The following STARD8 variants were observed in gnomAD, a reference collection of about 807,000 sequenced individuals.
The protein encoded by STARD8 is stAR-related lipid transfer protein 8.
In STARD8, 25 loss-of-function variants were observed where a neutral mutation model predicts 69.4. The ratio of observed to expected loss-of-function variants is 0.36; its 90% CI spans 0.26 to 0.50. The LOEUF is 0.50. STARD8 is among the 20% of genes least tolerant of loss of function. The pLI, the probability that STARD8 is intolerant of heterozygous loss-of-function variation, is 0.96. For missense variants in STARD8, 921 were observed against 932.5 expected, an observed-to-expected ratio of 0.99 and a Z score of 0.16; for synonymous variants, 389 against 374.6, an observed-to-expected ratio of 1.04 and a Z score of -0.45.
Position 68,721,139 on chromosome X carries a change from T to C in STARD8, c.2248+17T>C, listed in dbSNP as rs1284871619. ...TCTACCAGCGTGAGTCGCCCACTCC[T>C]ATCCCCAACAACCTGTCCCATTCTC... On this transcript the variant is annotated intron_variant, in intron 9 of 14. Transcript: ENST00000374599. 2.5e-6 allele frequency: 3 copies of C among 1,206,462 alleles called. No homozygotes were observed. Among genetic ancestry groups the C allele is most frequent in the Non-Finnish European group, 3.4e-6 (3 of 891,060 alleles).
chrX:68,691,177 C>T lies in STARD8; in HGVS notation c.80-21737C>T, dbSNP rs777436086. 9.8e-5 allele frequency among the ~76,000 whole-genome samples: 11 copies of T among 111,879 alleles called. No individual in the cohort carries two copies. The South Asian group carries it at 3.7e-3, about 38-fold the overall frequency. On this transcript the variant is annotated intron_variant, in intron 2 of 14. Coordinates refer to ENST00000374599, the MANE Select transcript of STARD8 (RefSeq NM_001142503.3). ...CACAGAGACTTTTTCTTTTGCCAGG[C>T]CTTGGCCTGCTTCAAGCACTCTACA...
chrX:68,681,268 G>A (rs1438747266), intron 2 of STARD8, among the ~76,000 whole-genome samples: 1 of 111,710 alleles, frequency 9.0e-6, no homozygotes, highest in Non-Finnish European at 1.9e-5. Flanking sequence ...GCTGCCGTAC[G>A]CTGCTAGAAG....
chrX:68,718,671 G>C (rs746498547), intron 6 of STARD8, 42 bp downstream of exon 6: 1 of 1,131,748 alleles, frequency 8.8e-7, no homozygotes, highest in Non-Finnish European at 1.2e-6. Context: ...AGGGTCTCCT[G>C]TTCTCTCTCT....
chrX:68,720,977 A>G lies in STARD8; in HGVS notation c.2103A>G (p.Gln701=). The G allele has an allele frequency of 8.3e-7, 1 of 1,211,635 alleles. No individual in the cohort carries two copies. Among genetic ancestry groups the G allele is most frequent in the Non-Finnish European group, 1.1e-6 (1 of 895,469 alleles). The part of the protein sequence containing the change: ...GVKSRIQNLR[Q]MNETSPDNVC... ...AGTCCAGGATCCAGAACCTGCGTCA[A>G]ATGAATGAGACCTCGCCTGACAATG... Residue 701 remains glutamine, a synonymous_variant, in exon 9 of 15, where the codon CAA becomes CAG. Transcript: ENST00000374599.
chrX:68,721,521 A>C lies in STARD8; in HGVS notation c.2249-15A>C, dbSNP rs1253820558. On this transcript the variant is annotated splice_polypyrimidine_tract_variant and intron_variant, in intron 9 of 14. Coordinates refer to ENST00000374599, the MANE Select transcript of STARD8 (RefSeq NM_001142503.3). ...GGGAAGTAAGGAAGGCTCTTCTTCC[A>C]TTGCTTCCTCACAGTCCTCCCCAAG... 2 of 1,205,506 alleles carry C rather than the reference A, an allele frequency of 1.7e-6. No homozygotes were observed. Among genetic ancestry groups the C allele is most frequent in the Non-Finnish European group, 2.2e-6 (2 of 892,661 alleles).
At chrX:68,666,571 T>C (rs1163772144) in intron 2 of STARD8, among the ~76,000 whole-genome samples, 4 of 112,298 alleles carry the variant, frequency 3.6e-5, no homozygotes, top group Non-Finnish European at 5.6e-5. Context: ...AGGATTCTAG[T>C]GACTTCCCAA....
intron 1 of STARD8, among the ~76,000 whole-genome samples, chrX:68,649,789 G>A (rs750460673): frequency 7.2e-5 from 8 of 110,945 alleles, no homozygotes; most frequent in Non-Finnish European, 1.3e-4. Flanking sequence ...AGCATAATAG[G>A]GATATAATTA....
In STARD8 at chrX:68,693,994, C is replaced by G. The variant is rs1055205479; in HGVS notation, c.80-18920C>G. ...AGGAAGCGAGCCGAGCCACCCCCGC[C>G]CCTGGGATTGGGGGGTCAGAATCGC... On this transcript the variant is annotated intron_variant, in intron 2 of 14. Transcript: ENST00000374599. Among the ~76,000 whole-genome samples the G allele has an allele frequency of 4.4e-5, 5 of 113,286 alleles. No individual in the cohort carries two copies. The South Asian group carries it at 1.8e-3, about 40-fold the overall frequency.
At chrX:68,654,798 C>A (rs902455489) in intron 1 of STARD8, among the ~76,000 whole-genome samples, 1 of 111,947 alleles carries the variant, frequency 8.9e-6, no homozygotes, top group Non-Finnish European at 1.9e-5. Context: ...CTTGCCCATA[C>A]CCCAGCCCCT....
intron 1 of STARD8, among the ~76,000 whole-genome samples, chrX:68,654,123 CT>C (rs1416771147): frequency 9.0e-6 from 1 of 111,641 alleles, no homozygotes; most frequent in Non-Finnish European, 1.9e-5. Context: ...ATCTATTCCT[CT>C]TTCTCTGTTC....
At chrX:68,652,820 C>A (rs2147866349) in intron 1 of STARD8, among the ~76,000 whole-genome samples, 1 of 66,157 alleles carries the variant, frequency 1.5e-5, no homozygotes, top group Non-Finnish European at 2.9e-5. Context: ...ACACACCCCA[C>A]ACACCCCACA....
intron 4 of STARD8, 27 bp downstream of exon 4, chrX:68,715,402 G>A (rs1430117965): frequency 3.5e-6 from 4 of 1,158,634 alleles, no homozygotes; most frequent in South Asian, 1.9e-5. Context: ...CCAGGCCTGG[G>A]AAGCCAAAGG....
chrX:68,713,238 G>T (rs1193286962), intron 3 of STARD8, among the ~76,000 whole-genome samples: 1 of 112,264 alleles, frequency 8.9e-6, no homozygotes, highest in African/African-American at 3.2e-5. Flanking sequence ...CTTGACCAGG[G>T]TCATCACGTG....
chrX:68,689,931 C>T (rs765851117), intron 2 of STARD8, among the ~76,000 whole-genome samples: 9 of 110,518 alleles, frequency 8.1e-5, no homozygotes, highest in Non-Finnish European at 1.1e-4. Flanking sequence ...TCCACATCTG[C>T]CTCTGCTTGG....
In STARD8 at chrX:68,709,452, T is replaced by C. The variant is rs376876596; in HGVS notation, c.80-3462T>C. On this transcript the variant is annotated intron_variant, in intron 2 of 14. Coordinates refer to ENST00000374599, the MANE Select transcript of STARD8 (RefSeq NM_001142503.3). Reference sequence around the variant, plus strand: ...TGGAACACATTTGTTGAGTGCTTGGTATTATGTGCCAGGGGCTTTTACTTT... The same window carrying C: ...TGGAACACATTTGTTGAGTGCTTGGCATTATGTGCCAGGGGCTTTTACTTT... 2.7e-5 allele frequency among the ~76,000 whole-genome samples: 3 copies of C among 112,051 alleles called. No individual in the cohort carries two copies. In the East Asian group the frequency reaches 8.4e-4, roughly 32 times the overall value.
intron 2 of STARD8, among the ~76,000 whole-genome samples, chrX:68,703,692 G>A (rs949593128): frequency 3.6e-5 from 4 of 112,264 alleles, no homozygotes; most frequent in Middle Eastern, 4.2e-3. Flanking sequence ...AGGGAAGTAG[G>A]CAAGGGGGTG....
At chrX:68,677,531 T>C (rs60325541) in intron 2 of STARD8, among the ~76,000 whole-genome samples, 14,829 of 111,021 alleles carry the variant, frequency 0.13, 1,617 homozygotes, top group African/African-American at 0.37. Context: ...GGTATGGAAC[T>C]GAATCCCCAG....
chrX:68,690,384 C>T (rs2079867590), intron 2 of STARD8, among the ~76,000 whole-genome samples: 1 of 108,350 alleles, frequency 9.2e-6, no homozygotes, highest in South Asian at 4.0e-4. Flanking sequence ...AGAGTGGGGG[C>T]ATGGGTCTGC....
intron 12 of STARD8, 61 bp from the exon 13 acceptor site, chrX:68,723,565 G>A: frequency 9.9e-7 from 1 of 1,013,447 alleles, no homozygotes; most frequent in African/African-American, 2.0e-5. Flanking sequence ...TGGACTTAGG[G>A]CTGGAGTCAG....
Sources: allele counts gnomAD v4.1 joint callset (sites outside exome capture counted in the v4.1 genomes callset), GRCh38; gene constraint gnomAD v4.1.1; transcripts MANE v1.5; gene names NCBI Gene and HGNC (gene_info 2026-07-23, HGNC 2026-07-21).